Variants in ICMT observed in about 807,000 individuals in gnomAD.
ICMT encodes protein-S-isoprenylcysteine O-methyltransferase.
In ICMT, 10 loss-of-function variants were observed where a neutral mutation model predicts 32.2. The ratio of observed to expected loss-of-function variants is 0.31; its 90% CI spans 0.19 to 0.53. ICMT has a LOEUF of 0.53. ICMT is among the 20% of genes least tolerant of loss of function. The probability of loss-of-function intolerance (pLI) is 0.96; values close to 1 mark genes in which losing one functional copy is unlikely to be tolerated. For synonymous variants in ICMT, 183 were observed against 158.2 expected (o/e 1.16, Z -1.18); for missense variants, 265 against 356.9 (o/e 0.74, Z 2.07).
rs1398639359 is a variant in ICMT at position 6,230,583 on chromosome 1, C to CT, written c.672+1318dup. On this transcript the variant is annotated intron_variant, in intron 4 of 4. Transcript: ENST00000343813. ...GCTGGGCAACACAGCAAGATCCTGT[C>CT]TTTAAAAAAAAAAAAAAAAAAAAAA... Among the ~76,000 whole-genome samples, 234 of 92,606 alleles carry CT rather than the reference C, an allele frequency of 2.5e-3. 1 individual carries two copies. The highest frequency in any genetic ancestry group is 4.3e-3 in the Non-Finnish European group (203 of 47,234). 60.8% of individuals were successfully genotyped at this position (92,606 alleles called of 152,430 possible).
chr1:6,225,061 T>C lies in ICMT; in HGVS notation c.*19A>G, dbSNP rs1557600315. 1 of 1,604,410 alleles carries C rather than the reference T, an allele frequency of 6.2e-7. No homozygotes were observed. The highest frequency in any genetic ancestry group is 1.3e-5 in the African/African-American group (1 of 74,778). On this transcript the variant is annotated 3_prime_UTR_variant, in exon 5 of 5. Transcript: ENST00000343813. ...CTGCACAGGGTCGGAGGCCCCAAGG[T>C]CACCGGGGCCACTGCCCGTCACAGG...
At chr1:6,234,812 G>A in intron 2 of ICMT, 74 bp downstream of exon 2, 1 of 1,108,580 alleles carries the variant, frequency 9.0e-7, no homozygotes, top group Non-Finnish European at 1.4e-6. Flanking sequence ...AGACAGGGAT[G>A]AGGAAATGCC....
At chr1:6,226,644 T>C (rs1668649452) in intron 4 of ICMT, among the ~76,000 whole-genome samples, 3 of 152,336 alleles carry the variant, frequency 2.0e-5, no homozygotes, top group Admixed American at 6.5e-5. Context: ...ACTTACTATG[T>C]TCCCAGCGCC....
Position 6,224,843 on chromosome 1 carries a change from T to G in ICMT, c.*237A>C, listed in dbSNP as rs1668619700. On this transcript the variant is annotated 3_prime_UTR_variant, in exon 5 of 5. Coordinates refer to ENST00000343813, the MANE Select transcript of ICMT (RefSeq NM_012405.4). ...GGGCGCTGTGGAATATTGCTGTGAT[T>G]TGCCCCTTACTCGTCTTTCACCCAT... 2.0e-6 allele frequency: 1 copy of G among 495,752 alleles called. No individual in the cohort carries two copies. The highest frequency in any genetic ancestry group is 3.6e-6 in the Non-Finnish European group (1 of 280,146). The allele number at this position is 495,752 out of a possible 1,614,324, so 30.7% of individuals were successfully genotyped here.
At chr1:6,234,090 T>A (rs1459826061) in intron 2 of ICMT, among the ~76,000 whole-genome samples, 2 of 152,178 alleles carry the variant, frequency 1.3e-5, no homozygotes, top group Admixed American at 6.5e-5. Context: ...TTGGCCAGGC[T>A]GGTCTTGAAC....
Position 6,235,024 on chromosome 1 carries a change from G to C in ICMT, c.196-50C>G. 3 of 1,467,330 alleles carry C rather than the reference G, an allele frequency of 2.0e-6. No individual in the cohort carries two copies. In the South Asian group the frequency reaches 3.4e-5, roughly 17 times the overall value. 90.9% of individuals were successfully genotyped at this position (1,467,330 alleles called of 1,614,324 possible). Reference sequence around the variant, plus strand: ...AGTCATTCACAGTCCTCAGAGTACAGATCTGGGCTGCTGACCTTCCCGGAA... The same window carrying C: ...AGTCATTCACAGTCCTCAGAGTACACATCTGGGCTGCTGACCTTCCCGGAA... On this transcript the variant is annotated intron_variant, in intron 1 of 4. Coordinates refer to ENST00000343813, the MANE Select transcript of ICMT (RefSeq NM_012405.4).
intron 4 of ICMT, among the ~76,000 whole-genome samples, chr1:6,227,943 G>A (rs1346933982): frequency 2.0e-5 from 3 of 152,016 alleles, no homozygotes; most frequent in Non-Finnish European, 4.4e-5. Flanking sequence ...TGCAGTGAGA[G>A]GACTGCTTGA....
chr1:6,233,952 G>A (rs1668775812), intron 2 of ICMT, among the ~76,000 whole-genome samples: 1 of 152,126 alleles, frequency 6.6e-6, no homozygotes, highest in Non-Finnish European at 1.5e-5. Flanking sequence ...AGGTTCAAGC[G>A]ATTCTCCTGC....
intron 2 of ICMT, chr1:6,234,316 G>A (rs1021554435): frequency 3.7e-5 from 14 of 376,504 alleles, no homozygotes; most frequent in Non-Finnish European, 5.7e-5. Context: ...GATGTATGTC[G>A]GATACAAAAT....
Position 6,235,959 on chromosome 1 carries a change from A to C in ICMT, c.-48T>G, listed in dbSNP as rs1399249401. The C allele has an allele frequency of 6.1e-5, 61 of 1,005,156 alleles. No homozygotes were observed. Among genetic ancestry groups the C allele is most frequent in the Non-Finnish European group, 6.9e-5 (57 of 821,304 alleles). The allele number at this position is 1,005,156 out of a possible 1,614,324, so 62.3% of individuals were successfully genotyped here. On this transcript the variant is annotated 5_prime_UTR_variant, in exon 1 of 5. Coordinates refer to ENST00000343813, the MANE Select transcript of ICMT (RefSeq NM_012405.4). ...GGCGGCGGCGCCGGCTGTAGCCCGGAGAAACGCGCCGGCTGCGCCTGCGCA... is the reference window on the plus strand; with the variant it reads ...GGCGGCGGCGCCGGCTGTAGCCCGGCGAAACGCGCCGGCTGCGCCTGCGCA...
At position 6,235,921 on chromosome 1, in the gene ICMT, C is replaced by T. The variant is rs1261488574; in HGVS notation, c.-10G>A. The T allele has an allele frequency of 1.8e-6, 2 of 1,110,570 alleles. No homozygotes were observed. Among genetic ancestry groups the T allele is most frequent in the Non-Finnish European group, 1.1e-6 (1 of 911,168 alleles). The allele number at this position is 1,110,570 out of a possible 1,614,324, so 68.8% of individuals were successfully genotyped here. A position where few individuals can be genotyped will look rare whatever the true frequency, so the allele number is the denominator to read the frequency against. On this transcript the variant is annotated 5_prime_UTR_variant, in exon 1 of 5. Transcript: ENST00000343813. ...CCGCGCAGCCCGCCATGGCGCCGGG[C>T]GGCGGACTAGCGGGCGGCGGCGCCG...
intron 4 of ICMT, among the ~76,000 whole-genome samples, chr1:6,231,552 A>G (rs1402266646): frequency 6.6e-6 from 1 of 152,046 alleles, no homozygotes; most frequent in African/African-American, 2.4e-5. Context: ...ACCAAAAAAA[A>G]AAAAAGAAAA....
At chr1:6,230,431 A>C (rs996403424) in intron 4 of ICMT, among the ~76,000 whole-genome samples, 1 of 152,036 alleles carries the variant, frequency 6.6e-6, no homozygotes, top group Non-Finnish European at 1.5e-5. Flanking sequence ...AAAAATTTAA[A>C]AATTAGCCGG....
intron 4 of ICMT, 60 bp from the exon 5 acceptor site, chr1:6,225,322 G>A (rs1571222832): frequency 1.3e-6 from 2 of 1,498,170 alleles, no homozygotes; most frequent in East Asian, 2.3e-5. Context: ...CTGTGCTTTG[G>A]TAGGCGTCTG....
chr1:6,232,698 AC>A (rs1436250995), intron 3 of ICMT, among the ~76,000 whole-genome samples: 5 of 151,156 alleles, frequency 3.3e-5, no homozygotes, highest in Non-Finnish European at 7.4e-5. Flanking sequence ...ACAGGCATGC[AC>A]TACCAGGCCC....
At chr1:6,235,597 C>T (rs1195255004) in intron 1 of ICMT, 120 bp downstream of exon 1, 11 of 629,812 alleles carry the variant, frequency 1.7e-5, no homozygotes, top group Non-Finnish European at 2.3e-5. Flanking sequence ...CCTGAACTCG[C>T]GGATGAAGAG....
In ICMT at chr1:6,235,947, G is replaced by A; in HGVS notation, c.-36C>T. On this transcript the variant is annotated 5_prime_UTR_variant, in exon 1 of 5. Transcript: ENST00000343813. ...GGCGGACTAGCGGGCGGCGGCGCCGGCTGTAGCCCGGAGAAACGCGCCGGC... is the reference window on the plus strand; with the variant it reads ...GGCGGACTAGCGGGCGGCGGCGCCGACTGTAGCCCGGAGAAACGCGCCGGC... 1.9e-6 allele frequency: 2 copies of A among 1,066,792 alleles called. No homozygotes were observed. Among genetic ancestry groups the A allele is most frequent in the Non-Finnish European group, 2.3e-6 (2 of 875,872 alleles). 66.1% of individuals were successfully genotyped at this position (1,066,792 alleles called of 1,614,324 possible).
chr1:6,231,596 G>A (rs1329382672), intron 4 of ICMT, among the ~76,000 whole-genome samples: 2 of 151,826 alleles, frequency 1.3e-5, no homozygotes, highest in African/African-American at 2.4e-5. Context: ...GAAACAGGAT[G>A]AAGGGATACA....
chr1:6,228,681 C>T (rs1257831750), intron 4 of ICMT, among the ~76,000 whole-genome samples: 1 of 152,050 alleles, frequency 6.6e-6, no homozygotes, highest in Non-Finnish European at 1.5e-5. Flanking sequence ...AAGCAATCCT[C>T]CTGCTCTGGT....
Sources: allele counts gnomAD v4.1 joint callset (sites outside exome capture counted in the v4.1 genomes callset), GRCh38; gene constraint gnomAD v4.1.1; transcripts MANE v1.5; gene names NCBI Gene and HGNC (gene_info 2026-07-23, HGNC 2026-07-21).